PROSER2: variants seen among roughly 807,000 people sequenced by gnomAD.
PROSER2 encodes the protein proline and serine-rich protein 2.
Under a neutral mutation model 14.6 loss-of-function variants are expected in PROSER2, and 18 were observed. The ratio of observed to expected loss-of-function variants is 1.23; its 90% CI spans 0.85 to 1.83. The LOEUF is 1.83. PROSER2 is among the 40% of genes most tolerant of loss of function. PROSER2 has a pLI of 0.00. For synonymous variants in PROSER2, 367 were observed against 286.4 expected (o/e 1.28, Z -2.84); for missense variants, 823 against 629.8 (o/e 1.31, Z -3.28).
At chr10:11,863,482 G>T (rs576167596) in intron 2 of PROSER2, among the ~76,000 whole-genome samples, 41 of 151,838 alleles carry the variant, frequency 2.7e-4, no homozygotes, top group South Asian at 1.0e-3. Context: ...AGGTTACAGC[G>T]AGTCAGGATC....
chr10:11,859,008 CAAA>C (rs750181845), intron 2 of PROSER2, among the ~76,000 whole-genome samples: 2 of 61,158 alleles, frequency 3.3e-5, no homozygotes, highest in East Asian at 6.9e-4. Flanking sequence ...GACTCTGTCT[CAAA>C]AAAAAAAAAA....
Position 11,866,904 on chromosome 10 carries a change from TA to T in PROSER2, c.391+122del. 8.5e-7 allele frequency: 1 copy of T among 1,182,906 alleles called. No homozygotes were observed. Among genetic ancestry groups the T allele is most frequent in the East Asian group, 2.5e-5 (1 of 39,818 alleles). The allele number at this position is 1,182,906 out of a possible 1,614,324, so 73.3% of individuals were successfully genotyped here. ...AAGTTGTTGAGTCTTACCAGATTTT[TA>T]TAGGGGAAAATACTCCTTGGCAGTT... On this transcript the variant is annotated intron_variant, in intron 3 of 3. Transcript: ENST00000277570. This position sits in a 1 kb window ranked among gnomAD's most constrained non-coding sequence, Gnocchi z 6.0.
intron 2 of PROSER2, among the ~76,000 whole-genome samples, chr10:11,855,441 T>G (rs1295133732): frequency 7.2e-6 from 1 of 138,928 alleles, no homozygotes; most frequent in South Asian, 2.2e-4. Flanking sequence ...GCCACTGCAC[T>G]CCATCCTGGG....
intron 2 of PROSER2, among the ~76,000 whole-genome samples, chr10:11,855,529 G>A (rs1367244849): frequency 6.6e-6 from 1 of 151,436 alleles, no homozygotes; most frequent in East Asian, 1.9e-4. Flanking sequence ...GATTTTAATT[G>A]AGAGTACCCT....
chr10:11,870,202 C>T lies in PROSER2; in HGVS notation c.1104C>T (p.Phe368=), dbSNP rs1037838529. 1 of 1,489,446 alleles carries T rather than the reference C, an allele frequency of 6.7e-7. No individual in the cohort carries two copies. The allele number at this position is 1,489,446 out of a possible 1,614,324, so 92.3% of individuals were successfully genotyped here. ...CGCCCGCTGGGAAGTCCCTCTGCTT[C>T]CGCCCTGGCCCGGCCCTGCCCAGCA... ...SFAPAGKSLC[F]RPGPALPSTR... The change falls in exon 4 of 4, where the codon TTC becomes TTT. Residue 368 remains phenylalanine (F), a synonymous_variant. Transcript: ENST00000277570.
intron 2 of PROSER2, among the ~76,000 whole-genome samples, chr10:11,855,128 T>G (rs2131075488): frequency 6.6e-6 from 1 of 150,906 alleles, no homozygotes; most frequent in East Asian, 1.9e-4. Flanking sequence ...AACCTCGTTC[T>G]CATTTATAGA....
chr10:11,829,289 T>A (rs1833657993), intron 1 of PROSER2, among the ~76,000 whole-genome samples: 1 of 151,462 alleles, frequency 6.6e-6, no homozygotes, highest in South Asian at 2.1e-4. Context: ...AAAAGTTTTT[T>A]AAAAGTATTA....
Position 11,866,780 on chromosome 10 carries a change from G to T in PROSER2, c.388G>T (p.Ala130Ser). The T allele has an allele frequency of 6.2e-7, 1 of 1,609,916 alleles. No homozygotes were observed. The highest frequency in any genetic ancestry group is 8.5e-7 in the Non-Finnish European group (1 of 1,179,384). Residue 130 changes from alanine to serine, a missense_variant, in exon 3 of 4, where the codon GCA becomes TCA. Coordinates refer to ENST00000277570, the MANE Select transcript of PROSER2 (RefSeq NM_153256.4). The surrounding 1 kb of genome is among the most constrained non-coding windows in gnomAD (Gnocchi z 6.0). ...AEGLPEGTQA[A>S]GPAPAGKEHR... ...GGGCCTTCCAGAGGGGACCCAGGCA[G>T]CAGGTGAGGGGGAAGACAGGCCATC... is the stretch of plus-strand genomic sequence containing the variant.
chr10:11,857,392 G>C (rs989676423), intron 2 of PROSER2: 2 of 152,162 alleles, frequency 1.3e-5, no homozygotes, highest in African/African-American at 4.8e-5. Flanking sequence ...TTTCCTGCCA[G>C]AAGTACAGGT....
At position 11,871,428 on chromosome 10, in the gene PROSER2, T is replaced by C. The variant is rs1834487436; in HGVS notation, c.*1022T>C. On this transcript the variant is annotated 3_prime_UTR_variant, in exon 4 of 4. Coordinates refer to ENST00000277570, the MANE Select transcript of PROSER2 (RefSeq NM_153256.4). ...CCCTGCTTCCAAGTAAGCAAGACTG[T>C]TCACTAAAGAAGGAACTTTTTAGAA... 6.6e-6 allele frequency: 1 copy of C among 152,270 alleles called. No individual in the cohort carries two copies. The highest frequency in any genetic ancestry group is 2.1e-4 in the South Asian group (1 of 4,834). The allele number at this position is 152,270 out of a possible 1,614,324, so 9.4% of individuals were successfully genotyped here. A position where few individuals can be genotyped will look rare whatever the true frequency, so the allele number is the denominator to read the frequency against.
rs1329029070 is a variant in PROSER2, at chr10:11,836,847, G to C, written c.-82+13377G>C. Among the ~76,000 whole-genome samples, 1 of 152,182 alleles carries C rather than the reference G, an allele frequency of 6.6e-6. No homozygotes were observed. Among genetic ancestry groups the C allele is most frequent in the Non-Finnish European group, 1.5e-5 (1 of 68,028 alleles). ...CTTATACACGGTTTTGCTTTCCATA[G>C]TTTCGGTTACTTGCAGTCAACCGTG... On this transcript the variant is annotated intron_variant, in intron 1 of 3. Transcript: ENST00000277570. This position sits in a 1 kb window ranked among gnomAD's most constrained non-coding sequence, Gnocchi z 4.6.
At chr10:11,867,963 C>G (rs905561528) in intron 3 of PROSER2, among the ~76,000 whole-genome samples, 4 of 152,188 alleles carry the variant, frequency 2.6e-5, no homozygotes, top group Non-Finnish European at 4.4e-5. Context: ...TCTTGAGCCA[C>G]TAGAAATAAA....
intron 1 of PROSER2, among the ~76,000 whole-genome samples, chr10:11,840,934 AAAAAAAAAAAAAAAAAAAAAAAT>A (rs1330628266): frequency 1.5e-5 from 1 of 67,752 alleles, no homozygotes; most frequent in African/African-American, 7.3e-5. Context: ...AAAAAAAAAA[AAAAAAAAAAAAAAAAAAAAAAAT>A]ATATATATAT....
intron 2 of PROSER2, among the ~76,000 whole-genome samples, chr10:11,859,032 A>AAAAAAAAAG (rs59724459): frequency 1.7e-5 from 1 of 60,424 alleles, no homozygotes. Context: ...AAAAAAAAAA[A>AAAAAAAAAG]GGAGAGATGG....
Position 11,863,682 on chromosome 10 carries a change from C to G in PROSER2, c.139-2849C>G, listed in dbSNP as rs552392492. Among the ~76,000 whole-genome samples, 5 of 152,284 alleles carry G rather than the reference C, an allele frequency of 3.3e-5. No individual in the cohort carries two copies. In the East Asian group the frequency reaches 9.6e-4, roughly 29 times the overall value. On this transcript the variant is annotated intron_variant, in intron 2 of 3. Coordinates refer to ENST00000277570, the MANE Select transcript of PROSER2 (RefSeq NM_153256.4). ...CTCAATGGGAGGCAACAGCTCTTAA[C>G]TCTACCTATTTGTTATTTACCTCCA... is the stretch of plus-strand genomic sequence containing the variant.
In PROSER2 at chr10:11,831,048, C is replaced by T. The variant is rs2147441; in HGVS notation, c.-82+7578C>T. Among the ~76,000 whole-genome samples, 317 of 152,110 alleles carry T rather than the reference C, an allele frequency of 2.1e-3. 3 individuals carry two copies. Among genetic ancestry groups the T allele is most frequent in the African/African-American group, 6.9e-3 (287 of 41,484 alleles). On this transcript the variant is annotated intron_variant, in intron 1 of 3. Coordinates refer to ENST00000277570, the MANE Select transcript of PROSER2 (RefSeq NM_153256.4). ...CCACCAGGAGGTCTTGTGTGAGCTT[C>T]TTCCACCCTGGTGTGGATTTAAATC...
chr10:11,844,742 C>G (rs1440038784), intron 1 of PROSER2, among the ~76,000 whole-genome samples: 1 of 152,192 alleles, frequency 6.6e-6, no homozygotes, highest in Non-Finnish European at 1.5e-5. Flanking sequence ...CCACCCTAGT[C>G]TCTCGAGTAG....
intron 2 of PROSER2, among the ~76,000 whole-genome samples, chr10:11,853,301 T>C (rs1834063894): frequency 6.6e-6 from 1 of 152,200 alleles, no homozygotes; most frequent in Non-Finnish European, 1.5e-5. Context: ...AAATATTATT[T>C]GATTGGCCGG....
intron 1 of PROSER2, among the ~76,000 whole-genome samples, chr10:11,840,984 ATATAT>A (rs1487061523): frequency 1.2e-3 from 138 of 113,474 alleles, no homozygotes; most frequent in African/African-American, 4.5e-3. Flanking sequence ...ATATATATAT[ATATAT>A]ATGATGGTGG....
Sources: gnomAD v4.1 joint callset for allele counts (sites outside exome capture counted in the v4.1 genomes callset) on GRCh38, gnomAD v4.1.1 for gene constraint, Gnocchi (gnomAD v3.1) non-coding constraint, MANE v1.5 for transcripts, NCBI Gene and HGNC (gene_info 2026-07-23, HGNC 2026-07-21) for gene names.